Variants in MTMR2 observed in about 807,000 individuals in gnomAD.
MTMR2 encodes myotubularin related protein 2, also known as phosphatidylinositol-3,5-bisphosphate 3-phosphatase MTMR2.
In MTMR2, 55 loss-of-function variants were observed where a neutral mutation model predicts 86.9. The ratio of observed to expected loss-of-function variants is 0.63; its 90% CI spans 0.51 to 0.79. The LOEUF (loss-of-function observed/expected upper bound fraction) is 0.79. Among genes scored for constraint, MTMR2 ranks in the 30% least tolerant of loss-of-function variants. MTMR2 has a pLI of 0.00. For synonymous variants in MTMR2, 241 were observed against 266.8 expected, an observed-to-expected ratio of 0.90 and a Z score of 0.94; for missense variants, 659 against 772.3, an observed-to-expected ratio of 0.85 and a Z score of 1.74.
At chr11:95,910,127 GCACACACACA>G (rs71040121) in intron 1 of MTMR2, among the ~76,000 whole-genome samples, 8 of 147,190 alleles carry the variant, frequency 5.4e-5, no homozygotes, top group African/African-American at 1.0e-4. Context: ...ACGCATGCAC[GCACACACACA>G]CACACACACA....
intron 1 of MTMR2, among the ~76,000 whole-genome samples, chr11:95,889,165 C>T (rs1865622296): frequency 1.3e-5 from 2 of 148,854 alleles, no homozygotes; most frequent in Middle Eastern, 7.0e-3. Flanking sequence ...CAGAGTTTCA[C>T]TCTTGTCACC....
At chr11:95,899,805 T>C (rs558169195) in intron 1 of MTMR2, among the ~76,000 whole-genome samples, 9 of 152,208 alleles carry the variant, frequency 5.9e-5, no homozygotes, top group African/African-American at 2.2e-4. Flanking sequence ...CTTAAATAAA[T>C]AGATCATTTG....
In MTMR2 at chr11:95,849,865, T is replaced by G; in HGVS notation, c.805-3A>C. The G allele has an allele frequency of 1.3e-6, 2 of 1,593,042 alleles. No individual in the cohort carries two copies. The highest frequency in any genetic ancestry group is 1.7e-6 in the Non-Finnish European group (2 of 1,163,490). Reference sequence around the variant, plus strand: ...TCAGGATGAATCCATGATAAAACCTTAATGAGGAAAAAATGGTAACACACC... The same window carrying G: ...TCAGGATGAATCCATGATAAAACCTGAATGAGGAAAAAATGGTAACACACC... On this transcript the variant is annotated splice_region_variant and splice_polypyrimidine_tract_variant and intron_variant, in intron 8 of 14. Transcript: ENST00000346299.
At chr11:95,856,352 A>AG (rs1400689691) in intron 7 of MTMR2, among the ~76,000 whole-genome samples, 13 of 150,476 alleles carry the variant, frequency 8.6e-5, no homozygotes, top group Non-Finnish European at 3.0e-5. Flanking sequence ...TTTTATTTAA[A>AG]GGGGGGGAAG....
At chr11:95,844,079 C>A (rs1429371404) in intron 11 of MTMR2, among the ~76,000 whole-genome samples, 1 of 152,036 alleles carries the variant, frequency 6.6e-6, no homozygotes, top group Admixed American at 6.6e-5. Flanking sequence ...GAGTAGGTAA[C>A]CAGAGTTAGC....
intron 12 of MTMR2, among the ~76,000 whole-genome samples, chr11:95,841,009 C>T (rs1365364864): frequency 1.3e-5 from 2 of 152,100 alleles, no homozygotes; most frequent in East Asian, 3.9e-4. Context: ...ATAAAGTGAT[C>T]TCACAATAAA....
chr11:95,870,205 A>C (rs1379953293), intron 2 of MTMR2, among the ~76,000 whole-genome samples: 1 of 152,220 alleles, frequency 6.6e-6, no homozygotes, highest in Non-Finnish European at 1.5e-5. Flanking sequence ...GATAAAAACA[A>C]GGAAGTAGGG....
chr11:95,856,700 AT>A (rs537771619), intron 7 of MTMR2, among the ~76,000 whole-genome samples: 1 of 151,800 alleles, frequency 6.6e-6, no homozygotes, highest in Non-Finnish European at 1.5e-5. Context: ...ACTTCAACTT[AT>A]TTTTTTTCAG....
chr11:95,849,854 T>C lies in MTMR2; in HGVS notation c.813A>G (p.Ser271=). ...TGGCTTGACTTTCAGGATGAATCCATGATAAAACCTTAATGAGGAAAAAAT... is the reference window on the plus strand; with the variant it reads ...TGGCTTGACTTTCAGGATGAATCCACGATAAAACCTTAATGAGGAAAAAAT... ...FRSRGRIPVL[S]WIHPESQATI... is the part of the protein sequence containing the mutation. The change falls in exon 9 of 15, where the codon TCA becomes TCG. Residue 271 remains serine, a synonymous_variant. Transcript: ENST00000346299. The C allele has an allele frequency of 1.9e-6, 3 of 1,614,000 alleles. No homozygotes were observed. The highest frequency in any genetic ancestry group is 1.1e-5 in the South Asian group (1 of 91,080).
Position 95,834,937 on chromosome 11 carries a change from A to G in MTMR2, c.*353T>C, listed in dbSNP as rs1356448191. 2 of 314,412 alleles carry G rather than the reference A, an allele frequency of 6.4e-6. No homozygotes were observed. The highest frequency in any genetic ancestry group is 4.3e-5 in the African/African-American group (2 of 46,516). The allele number at this position is 314,412 out of a possible 1,614,324, so 19.5% of individuals were successfully genotyped here. ...AAAACTGATGTTCCTCTGCACAGTG[A>G]GCACAGAGTGTATTTCTAAAATGGT... is the stretch of plus-strand genomic sequence containing the variant. On this transcript the variant is annotated 3_prime_UTR_variant, in exon 15 of 15. Transcript: ENST00000346299.
Position 95,835,369 on chromosome 11 carries a change from ATCTC to A in MTMR2, c.1849_1852del (p.Glu617PhefsTer30). ...TGAGGATGAGGTTGATCGGTTAGAA[ATCTC>A]TCTCTGTAGTTCCTCTACTTTTTTC... is the stretch of plus-strand genomic sequence containing the variant. On this transcript the variant is annotated frameshift_variant, in exon 15 of 15. Transcript: ENST00000346299. LOFTEE classifies it high-confidence loss of function. 3 of 1,613,130 alleles carry A rather than the reference ATCTC, an allele frequency of 1.9e-6. No homozygotes were observed. The highest frequency in any genetic ancestry group is 2.5e-6 in the Non-Finnish European group (3 of 1,179,392).
At chr11:95,917,171 T>A (rs1294171850) in intron 1 of MTMR2, among the ~76,000 whole-genome samples, 1 of 152,198 alleles carries the variant, frequency 6.6e-6, no homozygotes, top group Non-Finnish European at 1.5e-5. Context: ...TTAATTATTA[T>A]CTACCGATTT....
At chr11:95,906,185 A>T (rs1046203003) in intron 1 of MTMR2, among the ~76,000 whole-genome samples, 7 of 152,226 alleles carry the variant, frequency 4.6e-5, no homozygotes, top group African/African-American at 1.4e-4. Flanking sequence ...AGATAGTGCC[A>T]TTACACTCCA....
At chr11:95,875,158 G>A (rs565262854) in intron 2 of MTMR2, among the ~76,000 whole-genome samples, 109 of 152,240 alleles carry the variant, frequency 7.2e-4, no homozygotes, top group African/African-American at 2.3e-3. Flanking sequence ...GCTAGATTGG[G>A]GAAGTTCTCC....
rs746210433 is a variant in MTMR2, at chr11:95,838,106, C to A, written c.1581G>T (p.Gln527His). Residue 527 changes from glutamine (Q) to histidine (H), a missense_variant, in exon 13 of 15, where the codon CAG becomes CAT. Around this residue, in one of 3 missense-constraint regions of MTMR2, gnomAD observed 193 missense variants for 191.6 expected, o/e 1.01. Transcript: ENST00000346299. ...TTTCATATTTTACCTCTTTTCCTCTCTGTTGTTCACTATTACAGAGGAATG... is the reference window on the plus strand; with the variant it reads ...TTTCATATTTTACCTCTTTTCCTCTATGTTGTTCACTATTACAGAGGAATG... The part of the protein sequence containing the change: ...FGTFLCNSEQ[Q>H]RGKENLPKRT... The A allele has an allele frequency of 6.3e-7, 1 of 1,597,126 alleles. No homozygotes were observed. The highest frequency in any genetic ancestry group is 1.7e-5 in the Admixed American group (1 of 59,874).
At chr11:95,837,156 C>T (rs1019383784) in intron 13 of MTMR2, among the ~76,000 whole-genome samples, 17 of 152,134 alleles carry the variant, frequency 1.1e-4, no homozygotes, top group African/African-American at 3.9e-4. Flanking sequence ...ATGCTAGACA[C>T]TGAAGACATA....
At chr11:95,883,037 C>T (rs475375) in intron 2 of MTMR2, among the ~76,000 whole-genome samples, 48,124 of 151,246 alleles carry the variant, frequency 0.32, 8,623 homozygotes, top group Non-Finnish European at 0.41. Flanking sequence ...TGATCCACCG[C>T]GCCCGGCCAA....
At chr11:95,860,936 T>C (rs1432765625) in intron 5 of MTMR2, among the ~76,000 whole-genome samples, 1 of 152,014 alleles carries the variant, frequency 6.6e-6, no homozygotes, top group Non-Finnish European at 1.5e-5. Context: ...GATGGGCAGA[T>C]CACGAGGTCA....
chr11:95,875,753 G>A (rs1419316136), intron 2 of MTMR2, among the ~76,000 whole-genome samples: 4 of 152,162 alleles, frequency 2.6e-5, no homozygotes, highest in African/African-American at 9.7e-5. Context: ...GGTCTTTGAT[G>A]ATGGTGACAT....
Sources: allele counts gnomAD v4.1 joint callset (sites outside exome capture counted in the v4.1 genomes callset), GRCh38; gene constraint gnomAD v4.1.1; regional missense constraint gnomAD v4.1.1; transcripts MANE v1.5; gene names NCBI Gene and HGNC (gene_info 2026-07-23, HGNC 2026-07-21).